OR51I1: variants seen among roughly 807,000 people sequenced by gnomAD.
OR51I1 encodes olfactory receptor 51I1.
A neutral mutation model predicts 6.9 loss-of-function variants in OR51I1; 5 were observed. The observed-to-expected ratio is 0.73, with a 90% confidence interval of 0.38 to 1.52. The LOEUF (loss-of-function observed/expected upper bound fraction) is 1.52, where lower values mean the gene tolerates loss of function less well. OR51I1 is among the 40% of genes most tolerant of loss of function. The probability of loss-of-function intolerance (pLI) is 0.03; values close to 1 mark genes in which losing one functional copy is unlikely to be tolerated. For missense variants in OR51I1, 465 were observed against 388.5 expected, an observed-to-expected ratio of 1.20 and a Z score of -1.66; for synonymous variants, 183 against 140.3, an observed-to-expected ratio of 1.30 and a Z score of -2.15.
In OR51I1 at chr11:5,440,722, G is replaced by A. The variant is rs145392841; in HGVS notation, c.793C>T (p.Arg265Cys). The A allele has an allele frequency of 2.7e-5, 43 of 1,613,950 alleles. No homozygotes were observed. Among genetic ancestry groups the A allele is most frequent in the African/African-American group, 1.5e-4 (11 of 75,020 alleles). ...VPIIAVSMIHRFWKSAPPVVH... is the reference protein window; with the variant it reads ...VPIIAVSMIHCFWKSAPPVVH... ...ACAGGTGGAGCACTTTTCCAGAAGC[G>A]GTGAATCATGGAGACAGCAATTATG... The change falls in exon 1 of 1, where the codon CGC becomes TGC. Residue 265 changes from arginine (R) to cysteine (C), a missense_variant. Physicochemically the swap from Arg to Cys is radical, Grantham distance 180. Transcript: ENST00000380211.
At position 5,441,142 on chromosome 11, in the gene OR51I1, A is replaced by C. The variant is rs1473554057; in HGVS notation, c.373T>G (p.Phe125Val). The C allele has an allele frequency of 3.1e-6, 5 of 1,614,036 alleles. No homozygotes were observed. The South Asian group carries it at 5.5e-5, about 18-fold the overall frequency. Residue 125 changes from phenylalanine to valine, a missense_variant, in exon 1 of 1, where the codon TTT (phenylalanine) becomes GTT (valine). Transcript: ENST00000380211. ...CGTAATGGATAACAAATAGCCACAA[A>C]GCGATCCAAGCTCATGGCCAGCAGT... ...GILLAMSLDR[F>V]VAICYPLRYV...
rs569030211 is a variant in OR51I1, at chr11:5,441,192, G to A, written c.323C>T (p.Thr108Ile). The A allele has an allele frequency of 1.1e-5, 18 of 1,614,002 alleles. No homozygotes were observed. The African/African-American group carries it at 1.9e-4, about 17-fold the overall frequency. ...TATGCCTGACTCCATGAAGGAGAAA[G>A]TGTGGATGAAGAACATCTGGACCAG... is the stretch of plus-strand genomic sequence containing the variant. ...ACLVQMFFIH[T>I]FSFMESGILL... Residue 108 changes from threonine (T) to isoleucine (I), a missense_variant, in exon 1 of 1, where the codon ACT becomes ATT. Thr to Ile is a moderately conservative substitution (Grantham distance 89, BLOSUM62 -1). Coordinates refer to ENST00000380211, the MANE Select transcript of OR51I1 (RefSeq NM_001005288.3).
chr11:5,440,593 A>G lies in OR51I1; in HGVS notation c.922T>C (p.Phe308Leu). The G allele has an allele frequency of 1.9e-6, 3 of 1,613,258 alleles. No individual in the cohort carries two copies. The highest frequency in any genetic ancestry group is 2.5e-6 in the Non-Finnish European group (3 of 1,179,334). The change falls in exon 1 of 1, where the codon TTC (phenylalanine) becomes CTC (leucine). Residue 308 changes from phenylalanine (F) to leucine (L), a missense_variant. Phe to Leu is a conservative substitution (Grantham distance 22). Transcript: ENST00000380211. Reference sequence around the variant, plus strand: ...CCTCAGGCCTGGGATTTATGGAAGAACTTGAGAATCCCTTTGCGGATCTCC... The same window carrying G: ...CCTCAGGCCTGGGATTTATGGAAGAGCTTGAGAATCCCTTTGCGGATCTCC... Reference protein sequence around the residue: ...TKEIRKGILKFFHKSQA With the variant: ...TKEIRKGILKLFHKSQA
chr11:5,441,334 T>A lies in OR51I1; in HGVS notation c.181A>T (p.Met61Leu). ...VFWEPALHQP[M>L]YYFLSMLALN... The stretch of plus-strand genomic sequence containing the variant: ...GCGAGCATAGAGAGGAAGTAGTACA[T>A]GGGCTGATGCAGAGCAGGCTCCCAA... The change falls in exon 1 of 1, where the codon ATG becomes TTG. Residue 61 changes from methionine to leucine, a missense_variant. Met to Leu is a conservative substitution (Grantham distance 15). Coordinates refer to ENST00000380211, the MANE Select transcript of OR51I1 (RefSeq NM_001005288.3). 1 of 1,613,896 alleles carries A rather than the reference T, an allele frequency of 6.2e-7. No individual in the cohort carries two copies. Among genetic ancestry groups the A allele is most frequent in the Non-Finnish European group, 8.5e-7 (1 of 1,179,886 alleles).
In OR51I1 at chr11:5,441,327, T is replaced by G. The variant is rs762555411; in HGVS notation, c.188A>C (p.Tyr63Ser). Reference sequence around the variant, plus strand: ...ATTGAGAGCGAGCATAGAGAGGAAGTAGTACATGGGCTGATGCAGAGCAGG... The same window carrying G: ...ATTGAGAGCGAGCATAGAGAGGAAGGAGTACATGGGCTGATGCAGAGCAGG... ...WEPALHQPMY[Y>S]FLSMLALNDL... Residue 63 changes from tyrosine to serine, a missense_variant, in exon 1 of 1, where the codon TAC (tyrosine) becomes TCC (serine). Transcript: ENST00000380211. The G allele has an allele frequency of 4.3e-6, 7 of 1,612,774 alleles. No individual in the cohort carries two copies. In the African/African-American group the frequency reaches 9.4e-5, roughly 22 times the overall value.
Position 5,441,357 on chromosome 11 carries a change from CA to C in OR51I1, c.157del (p.Trp53GlyfsTer31). ...GNLSILTLVF[W>X]EPALHQPMYY... ...CATGGGCTGATGCAGAGCAGGCTCCCAAAACACCAGAGTGAGAATGCTGAGG... is the reference window on the plus strand; with the variant it reads ...CATGGGCTGATGCAGAGCAGGCTCCCAAACACCAGAGTGAGAATGCTGAGG... On this transcript the variant is annotated frameshift_variant, in exon 1 of 1. Transcript: ENST00000380211. LOFTEE classifies it high-confidence loss of function. 2 of 1,613,894 alleles carry C rather than the reference CA, an allele frequency of 1.2e-6. No homozygotes were observed. The highest frequency in any genetic ancestry group is 1.7e-4 in the Middle Eastern group (1 of 6,060).
rs115685326 is a variant in OR51I1, at chr11:5,440,838, G to A, written c.677C>T (p.Ala226Val). Residue 226 changes from alanine to valine, a missense_variant, in exon 1 of 1, where the codon GCC becomes GTC. Ala to Val is a moderately conservative substitution (Grantham distance 64, BLOSUM62 0). Transcript: ENST00000380211. ...ILLSYALILR[A>V]MLVIISQEQR... ...TTCCTGGGATATGATGACCAGCATGGCTCTCAGGATCAATGCGTAGGAAAG... is the reference window on the plus strand; with the variant it reads ...TTCCTGGGATATGATGACCAGCATGACTCTCAGGATCAATGCGTAGGAAAG... The A allele has an allele frequency of 6.8e-6, 11 of 1,613,678 alleles. No individual in the cohort carries two copies. Among genetic ancestry groups the A allele is most frequent in the Middle Eastern group, 1.6e-4 (1 of 6,080 alleles).
chr11:5,440,978 G>A lies in OR51I1; in HGVS notation c.537C>T (p.Ser179=), dbSNP rs1311503808. The part of the protein sequence containing the change: ...PFCKGNVLHH[S]YCLHPDLMKV... Reference sequence around the variant, plus strand: ...TCATGAGATCTGGATGGAGACAGTAGGAGTGATGCAAAACATTGCCTTTGC... The same window carrying A: ...TCATGAGATCTGGATGGAGACAGTAAGAGTGATGCAAAACATTGCCTTTGC... The change falls in exon 1 of 1, where the codon TCC becomes TCT. Residue 179 remains serine (S), a synonymous_variant. Coordinates refer to ENST00000380211, the MANE Select transcript of OR51I1 (RefSeq NM_001005288.3). 5.6e-6 allele frequency: 9 copies of A among 1,613,894 alleles called. No individual in the cohort carries two copies. The highest frequency in any genetic ancestry group is 8.5e-7 in the Non-Finnish European group (1 of 1,179,964).
Position 5,440,957 on chromosome 11 carries a change from G to A in OR51I1, c.558C>T (p.Leu186=). The A allele has an allele frequency of 6.2e-7, 1 of 1,613,960 alleles. No homozygotes were observed. The highest frequency in any genetic ancestry group is 8.5e-7 in the Non-Finnish European group (1 of 1,179,934). ...GGATGTCTCCACATGCTACTTTCAT[G>A]AGATCTGGATGGAGACAGTAGGAGT... ...LHHSYCLHPD[L]MKVACGDIHV... Residue 186 remains leucine, a synonymous_variant, in exon 1 of 1, where the codon CTC becomes CTT. Coordinates refer to ENST00000380211, the MANE Select transcript of OR51I1 (RefSeq NM_001005288.3).
chr11:5,440,656 G>C lies in OR51I1; in HGVS notation c.859C>G (p.Pro287Ala), dbSNP rs180738396. The C allele has an allele frequency of 1.2e-6, 2 of 1,613,868 alleles. No homozygotes were observed. The highest frequency in any genetic ancestry group is 2.2e-5 in the South Asian group (2 of 91,082). The part of the protein sequence containing the change: ...MMSNVYLFVP[P>A]MLNPIIYSVK... Reference sequence around the variant, plus strand: ...CTGTAGATGATAGGGTTGAGCATGGGTGGTACAAACAGGTAGACATTGGAC... The same window carrying C: ...CTGTAGATGATAGGGTTGAGCATGGCTGGTACAAACAGGTAGACATTGGAC... The change falls in exon 1 of 1, where the codon CCC (proline) becomes GCC (alanine). Residue 287 changes from proline to alanine, a missense_variant. Transcript: ENST00000380211.
At position 5,440,924 on chromosome 11, in the gene OR51I1, G is replaced by T. The variant is rs1850675812; in HGVS notation, c.591C>A (p.Asn197Lys). 1.2e-6 allele frequency: 2 copies of T among 1,613,854 alleles called. No homozygotes were observed. The highest frequency in any genetic ancestry group is 3.3e-5 in the Admixed American group (2 of 59,898). The change falls in exon 1 of 1, where the codon AAC becomes AAA. Residue 197 changes from asparagine to lysine, a missense_variant. Asn to Lys is a moderately conservative substitution (Grantham distance 94). Coordinates refer to ENST00000380211, the MANE Select transcript of OR51I1 (RefSeq NM_001005288.3). ...MKVACGDIHV[N>K]NIYGLLVIIF... ...TGATCACCAAGAGCCCATAAATGTTGTTAACATGGATGTCTCCACATGCTA... is the reference window on the plus strand; with the variant it reads ...TGATCACCAAGAGCCCATAAATGTTTTTAACATGGATGTCTCCACATGCTA...
At position 5,440,851 on chromosome 11, in the gene OR51I1, A is replaced by C; in HGVS notation, c.664T>G (p.Leu222Val). Residue 222 changes from leucine to valine, a missense_variant, in exon 1 of 1, where the codon TTG becomes GTG. Physicochemically the swap from Leu to Val is conservative, Grantham distance 32. Transcript: ENST00000380211. ...DSTFILLSYA[L>V]ILRAMLVIIS... The stretch of plus-strand genomic sequence containing the variant: ...ATGACCAGCATGGCTCTCAGGATCA[A>C]TGCGTAGGAAAGCAGGATGAAAGTT... 3 of 1,613,866 alleles carry C rather than the reference A, an allele frequency of 1.9e-6. No homozygotes were observed. The highest frequency in any genetic ancestry group is 2.5e-6 in the Non-Finnish European group (3 of 1,179,934).
rs922356454 is a variant in OR51I1, at chr11:5,440,813, T to A, written c.702A>T (p.Glu234Asp). The change falls in exon 1 of 1, where the codon GAA becomes GAT. Residue 234 changes from glutamate to aspartate, a missense_variant. Transcript: ENST00000380211. ...LRAMLVIISQEQRLKALNTCM... is the reference protein window; with the variant it reads ...LRAMLVIISQDQRLKALNTCM... ...AGGTGTTGAGTGCCTTGAGCCGCTG[T>A]TCCTGGGATATGATGACCAGCATGG... The A allele has an allele frequency of 2.6e-5, 42 of 1,613,918 alleles. No individual in the cohort carries two copies. The highest frequency in any genetic ancestry group is 3.6e-5 in the Non-Finnish European group (42 of 1,179,936).
rs1850680908 is a variant in OR51I1 at position 5,441,092 on chromosome 11, G to A, written c.423C>T (p.Asn141=). The change falls in exon 1 of 1, where the codon AAC becomes AAT. Residue 141 remains asparagine, a synonymous_variant. Transcript: ENST00000380211. The stretch of plus-strand genomic sequence containing the variant: ...TGCCCAGACCCATAGCCAATATACG[G>A]TTGTGAGTGAGCACAGTGACATAGC... ...PLRYVTVLTH[N]RILAMGLGIL... is the part of the protein sequence containing the mutation. The A allele has an allele frequency of 6.2e-7, 1 of 1,614,034 alleles. No homozygotes were observed. The highest frequency in any genetic ancestry group is 8.5e-7 in the Non-Finnish European group (1 of 1,179,972).
At position 5,441,271 on chromosome 11, in the gene OR51I1, T is replaced by A. The variant is rs746935342; in HGVS notation, c.244A>T (p.Thr82Ser). 5.0e-6 allele frequency: 8 copies of A among 1,613,712 alleles called. No individual in the cohort carries two copies. Among genetic ancestry groups the A allele is most frequent in the Non-Finnish European group, 6.8e-6 (8 of 1,179,876 alleles). Residue 82 changes from threonine to serine, a missense_variant, in exon 1 of 1, where the codon ACT (threonine) becomes TCT (serine). Transcript: ENST00000380211. ...DLGVSFSTLP[T>S]VISTFCFNYN... is the part of the protein sequence containing the mutation. ...TTGAAGCAGAAAGTAGAAATCACAG[T>A]GGGAAGTGTAGAAAAGGACACTCCC...
rs1392831021 is a variant in OR51I1 at position 5,441,378 on chromosome 11, C to T, written c.137G>A (p.Ser46Asn). 2 of 1,613,894 alleles carry T rather than the reference C, an allele frequency of 1.2e-6. No homozygotes were observed. The highest frequency in any genetic ancestry group is 3.3e-5 in the Admixed American group (2 of 59,970). ...CTCCCAAAACACCAGAGTGAGAATG[C>T]TGAGGTTACCTACAATGGAGATCAT... Reference protein sequence around the residue: ...LYMISIVGNLSILTLVFWEPA... With the variant: ...LYMISIVGNLNILTLVFWEPA... Residue 46 changes from serine to asparagine, a missense_variant, in exon 1 of 1, where the codon AGC becomes AAC. Transcript: ENST00000380211.
chr11:5,440,856 T>A lies in OR51I1; in HGVS notation c.659A>T (p.Tyr220Phe). The part of the protein sequence containing the change: ...GMDSTFILLS[Y>F]ALILRAMLVI... ...CAGCATGGCTCTCAGGATCAATGCG[T>A]AGGAAAGCAGGATGAAAGTTGAGTC... Residue 220 changes from tyrosine to phenylalanine, a missense_variant, in exon 1 of 1, where the codon TAC (tyrosine) becomes TTC (phenylalanine). Tyr to Phe is a conservative substitution (Grantham distance 22). Coordinates refer to ENST00000380211, the MANE Select transcript of OR51I1 (RefSeq NM_001005288.3). The A allele has an allele frequency of 6.2e-7, 1 of 1,613,744 alleles. No individual in the cohort carries two copies. The highest frequency in any genetic ancestry group is 1.3e-5 in the African/African-American group (1 of 75,002).
In OR51I1 at chr11:5,440,912, C is replaced by G; in HGVS notation, c.603G>C (p.Gly201=). The change falls in exon 1 of 1, where the codon GGG becomes GGC. Residue 201 remains glycine (G), a synonymous_variant. Coordinates refer to ENST00000380211, the MANE Select transcript of OR51I1 (RefSeq NM_001005288.3). ...CATAGGTAAAAATGATCACCAAGAG[C>G]CCATAAATGTTGTTAACATGGATGT... The part of the protein sequence containing the change: ...CGDIHVNNIY[G]LLVIIFTYGM... 6.2e-7 allele frequency: 1 copy of G among 1,613,756 alleles called. No individual in the cohort carries two copies. The highest frequency in any genetic ancestry group is 8.5e-7 in the Non-Finnish European group (1 of 1,179,884).
chr11:5,440,692 G>A lies in OR51I1; in HGVS notation c.823C>T (p.His275Tyr). 2 of 1,613,930 alleles carry A rather than the reference G, an allele frequency of 1.2e-6. No homozygotes were observed. Among genetic ancestry groups the A allele is most frequent in the Non-Finnish European group, 1.7e-6 (2 of 1,179,886 alleles). Residue 275 changes from histidine to tyrosine, a missense_variant, in exon 1 of 1, where the codon CAT (histidine) becomes TAT (tyrosine). Coordinates refer to ENST00000380211, the MANE Select transcript of OR51I1 (RefSeq NM_001005288.3). The part of the protein sequence containing the change: ...RFWKSAPPVV[H>Y]VMMSNVYLFV... ...AGGTAGACATTGGACATCATGACATGAACAACAGGTGGAGCACTTTTCCAG... is the reference window on the plus strand; with the variant it reads ...AGGTAGACATTGGACATCATGACATAAACAACAGGTGGAGCACTTTTCCAG...
Sources: allele counts gnomAD v4.1 joint callset, GRCh38; gene constraint gnomAD v4.1.1; transcripts MANE v1.5; gene names NCBI Gene and HGNC (gene_info 2026-07-23, HGNC 2026-07-21).